TMTC2: variants seen among roughly 807,000 people sequenced by gnomAD.
The protein encoded by TMTC2 is protein O-mannosyl-transferase TMTC2.
In TMTC2, 43 loss-of-function variants were observed where a neutral mutation model predicts 82.4. The observed-to-expected ratio is 0.52, with a 90% CI of 0.41 to 0.67. The LOEUF (loss-of-function observed/expected upper bound fraction) is 0.67. Among genes scored for constraint, TMTC2 ranks in the 30% least tolerant of loss-of-function variants. TMTC2 has a pLI of 0.00. For synonymous variants in TMTC2, 408 were observed against 381.9 expected (o/e 1.07, Z -0.80); for missense variants, 919 against 1,012.4 (o/e 0.91, Z 1.25).
At position 82,912,289 on chromosome 12, in the gene TMTC2, C is replaced by T. The variant is rs550139636; in HGVS notation, c.1483+15643C>T. Among the ~76,000 whole-genome samples, 23 of 152,198 alleles carry T rather than the reference C, an allele frequency of 1.5e-4. 1 individual carries two copies. The East Asian group carries it at 1.5e-3, about 10-fold the overall frequency. On this transcript the variant is annotated intron_variant, in intron 3 of 11. Coordinates refer to ENST00000321196, the MANE Select transcript of TMTC2 (RefSeq NM_152588.3). ...AGATTACCCAGGTGTCAAAGCATGG[C>T]GTTTTCTTCTTAAGATGCCTGGAAT...
At chr12:82,702,647 C>T (rs1873139055) in intron 1 of TMTC2, among the ~76,000 whole-genome samples, 1 of 152,108 alleles carries the variant, frequency 6.6e-6, no homozygotes, top group East Asian at 1.9e-4. Flanking sequence ...ACAGAAGAAG[C>T]CAGGTGTGGT....
intron 1 of TMTC2, among the ~76,000 whole-genome samples, chr12:82,732,632 C>T (rs1037267674): frequency 6.6e-6 from 1 of 152,078 alleles, no homozygotes; most frequent in Non-Finnish European, 1.5e-5. Flanking sequence ...CATGAGCCAC[C>T]GCACACAGCT....
intron 11 of TMTC2, among the ~76,000 whole-genome samples, chr12:83,102,493 T>A (rs1253469568): frequency 6.6e-6 from 1 of 152,188 alleles, no homozygotes; most frequent in African/African-American, 2.4e-5. Context: ...CCCTGTATTA[T>A]CAGAAAGGGA....
At chr12:82,922,581 A>G (rs1875459442) in intron 3 of TMTC2, among the ~76,000 whole-genome samples, 1 of 148,916 alleles carries the variant, frequency 6.7e-6, no homozygotes, top group African/African-American at 2.5e-5. Flanking sequence ...TTATTCATGT[A>G]TTAATCCCCT....
At chr12:82,994,312 C>T (rs1318384989) in intron 8 of TMTC2, among the ~76,000 whole-genome samples, 1 of 152,106 alleles carries the variant, frequency 6.6e-6, no homozygotes, top group African/African-American at 2.4e-5. Flanking sequence ...CGCTACCGGG[C>T]CCGGATAATT....
chr12:82,941,642 A>G (rs1424543796), intron 4 of TMTC2, among the ~76,000 whole-genome samples: 2 of 152,170 alleles, frequency 1.3e-5, no homozygotes, highest in African/African-American at 4.8e-5. Flanking sequence ...TTTATCTATT[A>G]TATATGTCTT....
intron 1 of TMTC2, among the ~76,000 whole-genome samples, chr12:82,756,024 G>T (rs181636369): frequency 6.6e-6 from 1 of 152,078 alleles, no homozygotes; most frequent in African/African-American, 2.4e-5. Flanking sequence ...AAAATAAGTT[G>T]AAGGAACATT....
chr12:83,118,614 A>G (rs1253930625), intron 11 of TMTC2, among the ~76,000 whole-genome samples: 1 of 152,106 alleles, frequency 6.6e-6, no homozygotes, highest in Non-Finnish European at 1.5e-5. Flanking sequence ...TTCATCAGGG[A>G]TATCAGTCTG....
intron 1 of TMTC2, among the ~76,000 whole-genome samples, chr12:82,820,092 C>T (rs1175761825): frequency 2.0e-5 from 3 of 152,244 alleles, no homozygotes; most frequent in South Asian, 2.1e-4. Flanking sequence ...GCATCCAGCA[C>T]GGGTGAGAGA....
intron 5 of TMTC2, 58 bp from the exon 6 acceptor site, chr12:82,965,502 T>C: frequency 6.4e-7 from 1 of 1,571,210 alleles, no homozygotes; most frequent in Non-Finnish European, 8.7e-7. Flanking sequence ...AAGAAAACTT[T>C]ATTTTATTCA....
chr12:83,076,682 G>A (rs146844736), intron 11 of TMTC2, among the ~76,000 whole-genome samples: 59 of 152,164 alleles, frequency 3.9e-4, no homozygotes, highest in Middle Eastern at 6.8e-3. Flanking sequence ...AGCTTCCTCC[G>A]TTTCTATTAT....
chr12:82,854,390 G>C (rs1462940830), intron 1 of TMTC2, among the ~76,000 whole-genome samples: 2 of 152,104 alleles, frequency 1.3e-5, no homozygotes, highest in Non-Finnish European at 2.9e-5. Context: ...CTATTCCTAA[G>C]GACACCTTGT....
intron 11 of TMTC2, among the ~76,000 whole-genome samples, chr12:83,073,383 G>A (rs905700725): frequency 6.6e-6 from 1 of 152,096 alleles, no homozygotes; most frequent in Non-Finnish European, 1.5e-5. Context: ...TAGGTTACCT[G>A]GTGCTTCTGT....
chr12:82,931,100 T>A (rs1796300), intron 4 of TMTC2, among the ~76,000 whole-genome samples: 1 of 151,982 alleles, frequency 6.6e-6, no homozygotes, highest in African/African-American at 2.4e-5. Context: ...TGTAGAGATG[T>A]GGACTCACTA....
At chr12:83,015,355 A>T (rs555174999) in intron 8 of TMTC2, among the ~76,000 whole-genome samples, 2 of 152,156 alleles carry the variant, frequency 1.3e-5, no homozygotes, top group Non-Finnish European at 2.9e-5. Flanking sequence ...TATACCTTTG[A>T]ATTGCTTTGG....
chr12:82,690,880 C>T (rs1290910510), intron 1 of TMTC2, among the ~76,000 whole-genome samples: 1 of 151,992 alleles, frequency 6.6e-6, no homozygotes, highest in African/African-American at 2.4e-5. Flanking sequence ...CTTCTCTGAC[C>T]CAAAACTCTC....
rs139052455 is a variant in TMTC2, at chr12:82,888,893, G to A, written c.655-6925G>A. On this transcript the variant is annotated intron_variant, in intron 2 of 11. Transcript: ENST00000321196. Reference sequence around the variant, plus strand: ...TTCTCATAAAATTAAGGTAACAATCGCAAGATAAGTATATTAGAACATGGA... The same window carrying A: ...TTCTCATAAAATTAAGGTAACAATCACAAGATAAGTATATTAGAACATGGA... Among the ~76,000 whole-genome samples, 235 of 152,172 alleles carry A rather than the reference G, an allele frequency of 1.5e-3. 5 individuals carry two copies. The East Asian group carries it at 0.027, about 17-fold the overall frequency.
chr12:82,687,970 G>A (rs186794077), intron 1 of TMTC2, among the ~76,000 whole-genome samples: 30 of 152,288 alleles, frequency 2.0e-4, no homozygotes, highest in Non-Finnish European at 3.8e-4. Flanking sequence ...TTTAATGAAC[G>A]TATTAAATTA....
chr12:82,796,767 G>T (rs7953496), intron 1 of TMTC2, among the ~76,000 whole-genome samples: 55,821 of 151,868 alleles, frequency 0.37, 10,789 homozygotes, highest in Middle Eastern at 0.56. Context: ...CAAGAGCAGG[G>T]TGTATTGGGA....
Sources: allele counts gnomAD v4.1 joint callset (sites outside exome capture counted in the v4.1 genomes callset), GRCh38; gene constraint gnomAD v4.1.1; transcripts MANE v1.5; gene names NCBI Gene and HGNC (gene_info 2026-07-23, HGNC 2026-07-21).